KIAA1217: variants seen among roughly 807,000 people sequenced by gnomAD.
KIAA1217 encodes KIAA1217.
In KIAA1217, 88 loss-of-function variants were observed where a neutral mutation model predicts 163.9. The ratio of observed to expected loss-of-function variants is 0.54; its 90% confidence interval spans 0.45 to 0.64. The LOEUF is 0.64. Ranked by LOEUF, KIAA1217 falls within the 30% of genes least tolerant of loss-of-function variation. KIAA1217 has a pLI of 0.00. For missense variants in KIAA1217, 2,372 were observed against 2,475.0 expected (o/e 0.96, Z 0.88); for synonymous variants, 903 against 923.1 (o/e 0.98, Z 0.39).
intron 2 of KIAA1217, among the ~76,000 whole-genome samples, chr10:24,301,191 C>G (rs1301988622): frequency 6.6e-6 from 1 of 152,022 alleles, no homozygotes; most frequent in Admixed American, 6.6e-5. Context: ...CAGATAAGTG[C>G]CCCCCTGCTC....
chr10:24,531,485 A>T (rs2073112924), intron 14 of KIAA1217, among the ~76,000 whole-genome samples: 1 of 152,134 alleles, frequency 6.6e-6, no homozygotes, highest in Non-Finnish European at 1.5e-5. Flanking sequence ...TTTCCATAAC[A>T]AGAATGTTAT....
chr10:24,506,866 C>G (rs2068432542), intron 9 of KIAA1217, among the ~76,000 whole-genome samples: 1 of 152,170 alleles, frequency 6.6e-6, no homozygotes, highest in Admixed American at 6.5e-5. Context: ...CACAAGAAAG[C>G]TCTGCAGAGA....
chr10:24,275,771 A>T (rs755147142), intron 2 of KIAA1217: 1 of 522,618 alleles, frequency 1.9e-6, no homozygotes, highest in East Asian at 5.5e-5. Context: ...TTTTGCTCCA[A>T]CTTAATACTT....
At chr10:24,313,871 A>C (rs1590873553) in intron 2 of KIAA1217, among the ~76,000 whole-genome samples, 3 of 115,638 alleles carry the variant, frequency 2.6e-5, no homozygotes, top group African/African-American at 3.4e-5. Context: ...TTTGAGTCTC[A>C]CTCTGTCACC....
At chr10:24,375,670 T>A (rs1364120433) in intron 2 of KIAA1217, among the ~76,000 whole-genome samples, 1 of 152,226 alleles carries the variant, frequency 6.6e-6, no homozygotes, top group Non-Finnish European at 1.5e-5. Context: ...GTGCTAGGAA[T>A]GAGTCATTCC....
At chr10:24,467,114 G>T (rs1006988843) in intron 5 of KIAA1217, among the ~76,000 whole-genome samples, 1 of 151,996 alleles carries the variant, frequency 6.6e-6, no homozygotes, top group South Asian at 2.1e-4. Flanking sequence ...ACTTCTGAAT[G>T]AGTGATATTC....
intron 1 of KIAA1217, among the ~76,000 whole-genome samples, chr10:23,864,836 C>A (rs949382690): frequency 6.6e-6 from 1 of 152,048 alleles, no homozygotes; most frequent in Non-Finnish European, 1.5e-5. Context: ...AGGCTGGAGG[C>A]CAAGGGAAAA....
chr10:23,978,286 T>A (rs1339751765), intron 1 of KIAA1217, among the ~76,000 whole-genome samples: 1 of 152,204 alleles, frequency 6.6e-6, no homozygotes, highest in Non-Finnish European at 1.5e-5. Context: ...CTCACCCTTC[T>A]TGAATCTTCA....
chr10:24,290,902 A>G (rs1021251546), intron 2 of KIAA1217, among the ~76,000 whole-genome samples: 13 of 152,082 alleles, frequency 8.5e-5, no homozygotes, highest in African/African-American at 3.1e-4. Context: ...GTGCCTGGCC[A>G]TGAAGTCTCT....
chr10:24,132,162 T>C (rs2063676581), intron 2 of KIAA1217, among the ~76,000 whole-genome samples: 1 of 152,130 alleles, frequency 6.6e-6, no homozygotes, highest in African/African-American at 2.4e-5. Flanking sequence ...GGTCCAGACT[T>C]GACAGTGATG....
At chr10:24,353,735 G>A (rs1020552937) in intron 2 of KIAA1217, among the ~76,000 whole-genome samples, 1 of 152,146 alleles carries the variant, frequency 6.6e-6, no homozygotes, top group African/African-American at 2.4e-5. Context: ...CAGGCAATTA[G>A]CAAAGTCTTT....
intron 1 of KIAA1217, among the ~76,000 whole-genome samples, chr10:24,215,790 G>T (rs1281727288): frequency 6.6e-6 from 1 of 152,178 alleles, no homozygotes; most frequent in Non-Finnish European, 1.5e-5. Context: ...GCGTTAGGTG[G>T]CTCTGAGTGC....
At chr10:24,116,024 C>T (rs1462750070) in intron 2 of KIAA1217, among the ~76,000 whole-genome samples, 1 of 152,156 alleles carries the variant, frequency 6.6e-6, no homozygotes, top group East Asian at 1.9e-4. Flanking sequence ...GCTTCCCAAT[C>T]CTCACTCTCA....
chr10:23,852,624 A>G (rs902374364), intron 1 of KIAA1217, among the ~76,000 whole-genome samples: 5 of 152,154 alleles, frequency 3.3e-5, no homozygotes, highest in African/African-American at 9.7e-5. Flanking sequence ...CATTTTCACA[A>G]TATTGATTCT....
At chr10:24,306,582 T>C (rs1301478383) in intron 2 of KIAA1217, among the ~76,000 whole-genome samples, 1 of 152,206 alleles carries the variant, frequency 6.6e-6, no homozygotes, top group Non-Finnish European at 1.5e-5. Context: ...CGGGCAGCTG[T>C]CTTTCTGGAG....
intron 2 of KIAA1217, chr10:24,368,734 T>C (rs2051142791): frequency 9.8e-6 from 4 of 409,752 alleles, no homozygotes; most frequent in Non-Finnish European, 9.8e-6. Context: ...AAAGGTTTGT[T>C]TGTACCCTTC....
chr10:24,400,579 G>A (rs751363578), intron 3 of KIAA1217, among the ~76,000 whole-genome samples: 4 of 152,192 alleles, frequency 2.6e-5, no homozygotes, highest in Admixed American at 2.6e-4. Flanking sequence ...AAGGGGACAA[G>A]GAAGTGCAAT....
At chr10:24,029,696 A>G (rs1464508981) in intron 2 of KIAA1217, among the ~76,000 whole-genome samples, 1 of 152,222 alleles carries the variant, frequency 6.6e-6, no homozygotes, top group Admixed American at 6.5e-5. Flanking sequence ...AGAGCCAAGG[A>G]GCCAGAAGAC....
At chr10:24,468,939 C>A (rs1209749582) in intron 5 of KIAA1217, among the ~76,000 whole-genome samples, 1 of 152,042 alleles carries the variant, frequency 6.6e-6, no homozygotes, top group Admixed American at 6.6e-5. Flanking sequence ...ATTTATATAT[C>A]TCCTAACCAT....
Sources: allele counts gnomAD v4.1 joint callset (sites outside exome capture counted in the v4.1 genomes callset), GRCh38; gene constraint gnomAD v4.1.1; transcripts MANE v1.5; gene names NCBI Gene and HGNC (gene_info 2026-07-23, HGNC 2026-07-21).